Variants in TAOK1 observed in about 807,000 individuals in gnomAD.
The protein encoded by TAOK1 is serine/threonine-protein kinase TAO1.
TAOK1 carries 21 observed loss-of-function variants against 138.3 expected under a neutral mutation model. The observed-to-expected ratio is 0.15, with a 90% CI of 0.11 to 0.22. TAOK1 has a LOEUF of 0.22. TAOK1 is among the 10% of genes least tolerant of loss of function. The probability of loss-of-function intolerance (pLI) is 1.00; values close to 1 mark genes in which losing one functional copy is unlikely to be tolerated. For missense variants in TAOK1, 651 were observed against 1,227.7 expected (o/e 0.53, Z 7.02); for synonymous variants, 361 against 398.4 (o/e 0.91, Z 1.12).
chr17:29,391,131 G>C (rs1322260891), intron 1 of TAOK1, 107 bp downstream of exon 1: 1 of 152,506 alleles, frequency 6.6e-6, no homozygotes, highest in African/African-American at 2.4e-5. Context: ...GGGTGGGGGA[G>C]GGAGAAAAGG....
chr17:29,434,734 G>A (rs967707491), intron 1 of TAOK1, among the ~76,000 whole-genome samples: 1 of 152,130 alleles, frequency 6.6e-6, no homozygotes, highest in Non-Finnish European at 1.5e-5. Context: ...CTTGGAGTTG[G>A]CTTAATCAGC....
At chr17:29,522,548 A>G (rs1269707744) in intron 17 of TAOK1, 29 bp downstream of exon 17, 1 of 1,611,550 alleles carries the variant, frequency 6.2e-7, no homozygotes, top group African/African-American at 1.3e-5. Flanking sequence ...TTTTGATAAC[A>G]GGGAGGAGAA....
At chr17:29,424,926 A>C (rs907900740) in intron 1 of TAOK1, 1 of 152,200 alleles carries the variant, frequency 6.6e-6, no homozygotes, top group African/African-American at 2.4e-5. Context: ...TTTTCATTAT[A>C]GATTATATAC....
chr17:29,525,499 G>C (rs1372528176), intron 17 of TAOK1, among the ~76,000 whole-genome samples: 1 of 151,816 alleles, frequency 6.6e-6, no homozygotes, highest in African/African-American at 2.4e-5. Flanking sequence ...CTGCCTCCCA[G>C]GATCAAGCGA....
Position 29,390,580 on chromosome 17 carries a change from C to T in TAOK1, c.-539C>T, listed in dbSNP as rs553460867. On this transcript the variant is annotated 5_prime_UTR_variant, in exon 1 of 20. Coordinates refer to ENST00000261716, the MANE Select transcript of TAOK1 (RefSeq NM_020791.4). ...GTCCGCCGGCCGGCCCGCGGCCTCTCTTCCCTTTGTGAGCGCCTCCTTACC... is the reference window on the plus strand; with the variant it reads ...GTCCGCCGGCCGGCCCGCGGCCTCTTTTCCCTTTGTGAGCGCCTCCTTACC... 2.0e-5 allele frequency: 3 copies of T among 152,260 alleles called. No individual in the cohort carries two copies. Among genetic ancestry groups the T allele is most frequent in the Non-Finnish European group, 4.4e-5 (3 of 68,220 alleles). The allele number at this position is 152,260 out of a possible 1,614,324, so 9.4% of individuals were successfully genotyped here.
intron 19 of TAOK1, among the ~76,000 whole-genome samples, chr17:29,538,760 T>C (rs1274841437): frequency 1.3e-5 from 2 of 152,238 alleles, no homozygotes; most frequent in Non-Finnish European, 1.5e-5. Flanking sequence ...TGAAGTCTTG[T>C]TTCAATGTTT....
At chr17:29,467,252 T>C (rs984067131) in intron 3 of TAOK1, 36 bp downstream of exon 3, 6 of 1,340,610 alleles carry the variant, frequency 4.5e-6, no homozygotes, top group Non-Finnish European at 6.2e-6. Flanking sequence ...TTTTTTCTTA[T>C]ATTTATCTCA....
chr17:29,531,696 G>C (rs2032112641), intron 18 of TAOK1, among the ~76,000 whole-genome samples: 1 of 151,414 alleles, frequency 6.6e-6, no homozygotes, highest in African/African-American at 2.4e-5. Context: ...CCCGGGGGCA[G>C]AGGTTGCAGT....
intron 1 of TAOK1, among the ~76,000 whole-genome samples, chr17:29,437,185 T>C (rs1232879555): frequency 6.6e-6 from 1 of 152,116 alleles, no homozygotes; most frequent in African/African-American, 2.4e-5. Context: ...TGCCTCAGCC[T>C]CCCAACTAGC....
At chr17:29,514,773 C>T (rs2031783108) in intron 15 of TAOK1, 1 of 150,600 alleles carries the variant, frequency 6.6e-6, no homozygotes, top group Admixed American at 6.7e-5. Context: ...GGGAGGATCG[C>T]TTGAGCCCAG....
chr17:29,537,650 C>A lies in TAOK1; in HGVS notation c.2544+3350C>A, dbSNP rs185613356. On this transcript the variant is annotated intron_variant, in intron 19 of 19. Transcript: ENST00000261716. ...GAGATTACAGGCATGAGCCACTGCGCCTGGAGTTGTATATTTAGCCTTGTA... is the reference window on the plus strand; with the variant it reads ...GAGATTACAGGCATGAGCCACTGCGACTGGAGTTGTATATTTAGCCTTGTA... 1.9e-3 allele frequency among the ~76,000 whole-genome samples: 290 copies of A among 151,824 alleles called. 2 individuals carry two copies. Among genetic ancestry groups the A allele is most frequent in the African/African-American group, 6.4e-3 (266 of 41,368 alleles).
intron 1 of TAOK1, among the ~76,000 whole-genome samples, chr17:29,406,819 C>T (rs1350264452): frequency 6.6e-6 from 1 of 152,262 alleles, no homozygotes; most frequent in African/African-American, 2.4e-5. Flanking sequence ...CCTCACACCT[C>T]GGCCTCCCAA....
intron 12 of TAOK1, among the ~76,000 whole-genome samples, chr17:29,499,634 ACTGCAACCTCTGCCTC>A (rs2031488497): frequency 1.4e-5 from 2 of 145,158 alleles, no homozygotes; most frequent in Non-Finnish European, 3.0e-5. Context: ...ATCTCGGCTC[ACTGCAACCTCTGCCTC>A]CTGTGTTCAA....
rs1904372245 is a variant in TAOK1, at chr17:29,390,370, G to T, written c.-749G>T. The T allele has an allele frequency of 6.6e-6, 1 of 152,336 alleles. No homozygotes were observed. 9.4% of individuals were successfully genotyped at this position (152,336 alleles called of 1,614,324 possible). ...GGTAAAGGGGGGGAAGCTGGGCAGCGGCCGGGCTCTGTGGCTTCAGGGCTC... is the reference window on the plus strand; with the variant it reads ...GGTAAAGGGGGGGAAGCTGGGCAGCTGCCGGGCTCTGTGGCTTCAGGGCTC... On this transcript the variant is annotated 5_prime_UTR_variant, in exon 1 of 20. Transcript: ENST00000261716.
intron 2 of TAOK1, 29 bp downstream of exon 2, chr17:29,451,709 C>G: frequency 6.3e-7 from 1 of 1,598,782 alleles, no homozygotes; most frequent in Non-Finnish European, 8.5e-7. Context: ...ATGTCAGTGA[C>G]TAAAATTTAC....
At chr17:29,457,093 T>TC (rs2030400117) in intron 2 of TAOK1, among the ~76,000 whole-genome samples, 3 of 87,200 alleles carry the variant, frequency 3.4e-5, no homozygotes, top group Non-Finnish European at 5.0e-5. Context: ...CTTTTTCTTT[T>TC]TTTTTTTTTT....
chr17:29,470,862 C>T (rs764073616), intron 3 of TAOK1, among the ~76,000 whole-genome samples: 13 of 152,168 alleles, frequency 8.5e-5, no homozygotes, highest in Non-Finnish European at 2.9e-5. Flanking sequence ...GTGGCTTACG[C>T]CTGTAATCCC....
chr17:29,392,075 G>C (rs1282706644), intron 1 of TAOK1, among the ~76,000 whole-genome samples: 1 of 152,146 alleles, frequency 6.6e-6, no homozygotes, highest in Non-Finnish European at 1.5e-5. Flanking sequence ...AATTAGCTGG[G>C]CATGGTGGCA....
intron 2 of TAOK1, among the ~76,000 whole-genome samples, chr17:29,466,118 A>G (rs2030661956): frequency 6.6e-6 from 1 of 152,012 alleles, no homozygotes; most frequent in Non-Finnish European, 1.5e-5. Flanking sequence ...TGAATTATGA[A>G]ATGTTTTTCT....
Sources: allele counts gnomAD v4.1 joint callset (sites outside exome capture counted in the v4.1 genomes callset), GRCh38; gene constraint gnomAD v4.1.1; transcripts MANE v1.5; gene names NCBI Gene and HGNC (gene_info 2026-07-23, HGNC 2026-07-21).